ERBB4: variants seen among roughly 807,000 people sequenced by gnomAD.
ERBB4 encodes receptor tyrosine-protein kinase erbB-4.
Under a neutral mutation model 158.0 loss-of-function variants are expected in ERBB4, and 42 were observed. That is an observed-to-expected ratio of 0.27 (90% CI 0.21 to 0.34). The LOEUF is 0.34. Among genes scored for constraint, ERBB4 ranks in the 10% least tolerant of loss-of-function variants. ERBB4 has a pLI of 1.00. For missense variants in ERBB4, 1,333 were observed against 1,624.1 expected (o/e 0.82, Z 3.08); for synonymous variants, 583 against 558.7 (o/e 1.04, Z -0.61).
intron 1 of ERBB4, among the ~76,000 whole-genome samples, chr2:212,457,714 C>G (rs904950364): frequency 6.6e-6 from 1 of 152,010 alleles, no homozygotes; most frequent in Non-Finnish European, 1.5e-5. Context: ...TGGCTAGAAC[C>G]ATTTGAAAGG....
chr2:211,436,691 C>A (rs1290227037), intron 20 of ERBB4, among the ~76,000 whole-genome samples: 2 of 152,192 alleles, frequency 1.3e-5, no homozygotes, highest in South Asian at 4.1e-4. Context: ...TAATATATCA[C>A]AATGGGTGTT....
At chr2:211,632,323 A>G (rs1266068013) in intron 16 of ERBB4, among the ~76,000 whole-genome samples, 6 of 152,090 alleles carry the variant, frequency 3.9e-5, no homozygotes, top group Admixed American at 3.3e-4. Flanking sequence ...GAAATATTTT[A>G]TGTTTCAACC....
At chr2:211,603,065 T>C (rs1052443437) in intron 19 of ERBB4, among the ~76,000 whole-genome samples, 1 of 152,058 alleles carries the variant, frequency 6.6e-6, no homozygotes, top group Non-Finnish European at 1.5e-5. Context: ...ACTCCATCTC[T>C]ACTAAAAATA....
chr2:211,979,926 C>T (rs1449932328), intron 2 of ERBB4, among the ~76,000 whole-genome samples: 1 of 152,140 alleles, frequency 6.6e-6, no homozygotes, highest in East Asian at 1.9e-4. Context: ...ATTTTCTTTT[C>T]AAATTACAGA....
chr2:211,617,214 AG>A (rs2069424793), intron 19 of ERBB4, among the ~76,000 whole-genome samples: 1 of 152,148 alleles, frequency 6.6e-6, no homozygotes, highest in Non-Finnish European at 1.5e-5. Flanking sequence ...AGAGATTATT[AG>A]CATTCTCATG....
intron 1 of ERBB4, among the ~76,000 whole-genome samples, chr2:212,332,940 G>A (rs1394943222): frequency 2.0e-5 from 3 of 152,030 alleles, no homozygotes; most frequent in Admixed American, 1.3e-4. Context: ...GCAAAGAGGA[G>A]AACATGGGTA....
intron 14 of ERBB4, 67 bp from the exon 15 acceptor site, chr2:211,665,544 T>G: frequency 2.7e-6 from 4 of 1,504,936 alleles, no homozygotes; most frequent in Non-Finnish European, 3.7e-6. Flanking sequence ...AATGTATTCA[T>G]GTGGTTTAGT....
At chr2:211,547,020 C>T (rs1470776526) in intron 20 of ERBB4, among the ~76,000 whole-genome samples, 1 of 151,998 alleles carries the variant, frequency 6.6e-6, no homozygotes, top group Non-Finnish European at 1.5e-5. Flanking sequence ...AATCTACACA[C>T]GTGATAAAAC....
chr2:211,823,380 C>G (rs866494831), intron 3 of ERBB4, among the ~76,000 whole-genome samples: 2 of 151,756 alleles, frequency 1.3e-5, no homozygotes, highest in South Asian at 4.2e-4. Context: ...TGTATTTGAA[C>G]TGAAACCAAC....
At chr2:211,593,145 G>C (rs1393130849) in intron 19 of ERBB4, among the ~76,000 whole-genome samples, 1 of 152,074 alleles carries the variant, frequency 6.6e-6, no homozygotes, top group Non-Finnish European at 1.5e-5. Context: ...AAAGTCAATG[G>C]GGCAAAAAAG....
chr2:212,480,054 T>A (rs935548801), intron 1 of ERBB4, among the ~76,000 whole-genome samples: 3 of 152,194 alleles, frequency 2.0e-5, no homozygotes, highest in African/African-American at 7.2e-5. Context: ...CACTTTTAAC[T>A]CTTGTGGGAA....
chr2:211,410,285 A>AGTT (rs1574433460), intron 25 of ERBB4, among the ~76,000 whole-genome samples: 1 of 152,204 alleles, frequency 6.6e-6, no homozygotes, highest in Non-Finnish European at 1.5e-5. Context: ...ATTGGAGGTC[A>AGTT]GTTATAAATA....
At chr2:211,551,745 T>C (rs976707227) in intron 20 of ERBB4, among the ~76,000 whole-genome samples, 1 of 152,202 alleles carries the variant, frequency 6.6e-6, no homozygotes, top group African/African-American at 2.4e-5. Flanking sequence ...AAACTAGAAA[T>C]GTCAGCACCC....
intron 1 of ERBB4, among the ~76,000 whole-genome samples, chr2:212,437,138 C>T (rs1010503522): frequency 2.6e-5 from 4 of 152,022 alleles, no homozygotes; most frequent in African/African-American, 9.7e-5. Flanking sequence ...GGTAAAAGAA[C>T]ACTTGCATTG....
chr2:212,075,232 C>T (rs1210516859), intron 2 of ERBB4, among the ~76,000 whole-genome samples: 1 of 151,726 alleles, frequency 6.6e-6, no homozygotes, highest in African/African-American at 2.4e-5. Flanking sequence ...TAATCCAATT[C>T]TCATACACAA....
intron 2 of ERBB4, among the ~76,000 whole-genome samples, chr2:211,965,775 A>G (rs943123832): frequency 1.1e-4 from 17 of 152,248 alleles, no homozygotes; most frequent in African/African-American, 2.9e-4. Context: ...ATTGATTTCT[A>G]TATATTTCTA....
rs143247856 is a variant in ERBB4, at chr2:211,739,589, G to C, written c.622+11050C>G. Among the ~76,000 whole-genome samples the C allele has an allele frequency of 2.2e-3, 337 of 152,180 alleles. 5 individuals carry two copies. The highest frequency in any genetic ancestry group is 7.8e-3 in the African/African-American group (322 of 41,524). On this transcript the variant is annotated intron_variant, in intron 5 of 27. Coordinates refer to ENST00000342788, the MANE Select transcript of ERBB4 (RefSeq NM_005235.3). ...ACCGATTCTCCTGCCTCAGTGTCCC[G>C]AGTAGCTGGGACTACAGGCACATGC... is the stretch of plus-strand genomic sequence containing the variant.
chr2:212,075,954 G>A (rs145409260), intron 2 of ERBB4, among the ~76,000 whole-genome samples: 102 of 151,828 alleles, frequency 6.7e-4, no homozygotes, highest in African/African-American at 2.3e-3. Context: ...CCAGTAGTTG[G>A]AATATGTCTT....
At chr2:212,495,138 T>C (rs997422877) in intron 1 of ERBB4, among the ~76,000 whole-genome samples, 7 of 152,172 alleles carry the variant, frequency 4.6e-5, no homozygotes, top group African/African-American at 1.7e-4. Flanking sequence ...TGGTGAAATA[T>C]TATCCTATTT....
Sources: gnomAD v4.1 joint callset for allele counts (sites outside exome capture counted in the v4.1 genomes callset) on GRCh38, gnomAD v4.1.1 for gene constraint, MANE v1.5 for transcripts, NCBI Gene and HGNC (gene_info 2026-07-23, HGNC 2026-07-21) for gene names.